Variants in CLASP1 observed in about 807,000 individuals in gnomAD.
The protein encoded by CLASP1 is cytoplasmic linker associated protein 1.
A neutral mutation model predicts 192.3 loss-of-function variants in CLASP1; 38 were observed. That is an observed-to-expected ratio of 0.20 (90% CI 0.15 to 0.26). CLASP1 has a LOEUF of 0.26. Ranked by LOEUF, CLASP1 falls within the 10% of genes least tolerant of loss-of-function variation. The probability of loss-of-function intolerance (pLI) is 1.00; values close to 1 mark genes in which losing one functional copy is unlikely to be tolerated. For synonymous variants in CLASP1, 691 were observed against 712.8 expected (o/e 0.97, Z 0.49); for missense variants, 1,433 against 1,932.5 (o/e 0.74, Z 4.85).
At chr2:121,426,225 T>A (rs924400048) in intron 21 of CLASP1, among the ~76,000 whole-genome samples, 1 of 151,928 alleles carries the variant, frequency 6.6e-6, no homozygotes, top group Non-Finnish European at 1.5e-5. Flanking sequence ...TTTTTAAAAG[T>A]CAAACAATAC....
At chr2:121,503,967 A>T (rs956630219) in intron 7 of CLASP1, 6 of 152,158 alleles carry the variant, frequency 3.9e-5, no homozygotes, top group Non-Finnish European at 8.8e-5. Context: ...ATGGTGGCTC[A>T]TTACTGTAAT....
intron 2 of CLASP1, among the ~76,000 whole-genome samples, chr2:121,575,642 A>G (rs186011688): frequency 6.6e-6 from 1 of 152,336 alleles, no homozygotes; most frequent in Admixed American, 6.5e-5. Context: ...TCAGTGACGT[A>G]AAGTGGTCTG....
Position 121,645,474 on chromosome 2 carries a change from C to T in CLASP1, c.-286+3898G>A, listed in dbSNP as rs1476470926. The stretch of plus-strand genomic sequence containing the variant: ...TGGGCCTCTAACAACTCCTCCAAAG[C>T]TCAAATTATATTAGTCTACATTAGG... On this transcript the variant is annotated intron_variant, in intron 1 of 39. Coordinates refer to ENST00000263710, the Ensembl canonical transcript of CLASP1. Among the ~76,000 whole-genome samples the T allele has an allele frequency of 2.0e-5, 3 of 152,198 alleles. 1 individual carries two copies. Among genetic ancestry groups the T allele is most frequent in the South Asian group, 4.1e-4 (2 of 4,826 alleles).
chr2:121,609,005 A>G (rs959830176), intron 1 of CLASP1, among the ~76,000 whole-genome samples: 24 of 152,342 alleles, frequency 1.6e-4, no homozygotes, highest in Admixed American at 5.2e-4. Flanking sequence ...CTTATTTATA[A>G]ATTAAGAAAT....
At chr2:121,532,726 A>G (rs1166984057) in intron 2 of CLASP1, 1 of 152,150 alleles carries the variant, frequency 6.6e-6, no homozygotes, top group Admixed American at 6.5e-5. Context: ...CAACAGAAAG[A>G]TGACATTTTT....
chr2:121,377,685 G>A (rs1429161966), intron 33 of CLASP1, 36 bp from the exon 35 acceptor site: 1 of 1,451,168 alleles, frequency 6.9e-7, no homozygotes. Context: ...TTAAATCGAG[G>A]CATATACATA....
intron 14 of CLASP1, among the ~76,000 whole-genome samples, chr2:121,457,381 G>GA (rs2086891643): frequency 6.6e-6 from 1 of 151,214 alleles, no homozygotes; most frequent in Non-Finnish European, 1.5e-5. Context: ...ATTATCACAG[G>GA]AAAAAAATGT....
intron 2 of CLASP1, among the ~76,000 whole-genome samples, chr2:121,581,432 G>A (rs963673726): frequency 2.0e-5 from 3 of 151,050 alleles, no homozygotes; most frequent in African/African-American, 4.9e-5. Context: ...CCGCCACCAC[G>A]CCCGGCTAAT....
chr2:121,507,487 C>T (rs1234743247), intron 7 of CLASP1, among the ~76,000 whole-genome samples: 2 of 152,056 alleles, frequency 1.3e-5, no homozygotes, highest in East Asian at 3.9e-4. Context: ...ACAGAAGTCC[C>T]AGGAAAACAG....
intron 22 of CLASP1, among the ~76,000 whole-genome samples, chr2:121,420,125 G>A (rs1163652296): frequency 8.2e-6 from 1 of 121,950 alleles, no homozygotes; most frequent in Non-Finnish European, 1.6e-5. Context: ...GCTTACTACT[G>A]CTCAGGGAAA....
At chr2:121,448,524 CA>C (rs1402223044) in intron 17 of CLASP1, among the ~76,000 whole-genome samples, 199 bp from the exon 18 acceptor site, 4 of 152,188 alleles carry the variant, frequency 2.6e-5, no homozygotes, top group African/African-American at 4.8e-5. Flanking sequence ...CTTTCAAATA[CA>C]GAGAGTGAAA....
intron 2 of CLASP1, among the ~76,000 whole-genome samples, chr2:121,566,404 T>C (rs538734627): frequency 6.6e-6 from 1 of 152,354 alleles, no homozygotes; most frequent in East Asian, 1.9e-4. Flanking sequence ...AGTAATAGTC[T>C]GTAAAACGTA....
At chr2:121,362,598 G>A (rs772404054) in intron 37 of CLASP1, among the ~76,000 whole-genome samples, 5 of 152,264 alleles carry the variant, frequency 3.3e-5, no homozygotes, top group Non-Finnish European at 2.9e-5. Context: ...CTGGGAGGGA[G>A]GAAGGTCAGT....
At chr2:121,468,932 C>T (rs969685977) in intron 9 of CLASP1, among the ~76,000 whole-genome samples, 4 of 152,114 alleles carry the variant, frequency 2.6e-5, no homozygotes, top group African/African-American at 7.2e-5. Context: ...AGGGGTACTC[C>T]GGCTTTTTGA....
Position 121,435,837 on chromosome 2 carries a change from C to A in CLASP1, c.1913-5660G>T, listed in dbSNP as rs571594330. Among the ~76,000 whole-genome samples the A allele has an allele frequency of 2.0e-5, 3 of 152,232 alleles. No individual in the cohort carries two copies. In the South Asian group the frequency reaches 6.2e-4, roughly 32 times the overall value. On this transcript the variant is annotated intron_variant, in intron 19 of 39. Coordinates refer to ENST00000263710, the Ensembl canonical transcript of CLASP1. ...TTAAGATTCCTGTGTGTTCTTTATG[C>A]AGTTTCTCTCAATGGTAACATCTTA... is the stretch of plus-strand genomic sequence containing the variant.
chr2:121,580,100 T>G (rs1376501161), intron 2 of CLASP1, among the ~76,000 whole-genome samples: 1 of 152,248 alleles, frequency 6.6e-6, no homozygotes, highest in Non-Finnish European at 1.5e-5. Context: ...TGATCCTAAC[T>G]GTAATATTGC....
intron 33 of CLASP1, among the ~76,000 whole-genome samples, chr2:121,380,709 G>T (rs2071434284): frequency 6.6e-6 from 1 of 152,212 alleles, no homozygotes; most frequent in African/African-American, 2.4e-5. Flanking sequence ...AGAACAAATA[G>T]ACAGACATAC....
At chr2:121,391,093 G>A (rs572755309) in intron 30 of CLASP1, among the ~76,000 whole-genome samples, 6 of 152,196 alleles carry the variant, frequency 3.9e-5, no homozygotes, top group South Asian at 2.1e-4. Flanking sequence ...CACAAACGTC[G>A]ACACAGGCAC....
chr2:121,459,788 A>G (rs1439472152), intron 12 of CLASP1, 192 bp downstream of exon 12: 1 of 420,770 alleles, frequency 2.4e-6, no homozygotes, highest in African/African-American at 2.0e-5. Context: ...TAAAATTTAA[A>G]ATCTGTCACA....
Sources: gnomAD v4.1 joint callset for allele counts (sites outside exome capture counted in the v4.1 genomes callset) on GRCh38, gnomAD v4.1.1 for gene constraint, MANE v1.5 for transcripts, NCBI Gene and HGNC (gene_info 2026-07-23, HGNC 2026-07-21) for gene names.